Variants in CDYL2 observed in about 807,000 individuals in gnomAD.
CDYL2 encodes the protein chromodomain Y-like protein 2.
CDYL2 carries 23 observed loss-of-function variants against 49.4 expected under a neutral mutation model. The ratio of observed to expected loss-of-function variants is 0.47; its 90% CI spans 0.34 to 0.66. The LOEUF (loss-of-function observed/expected upper bound fraction) is 0.66, where lower values mean the gene tolerates loss of function less well. Ranked by LOEUF, CDYL2 falls within the 30% of genes least tolerant of loss-of-function variation. The probability of loss-of-function intolerance (pLI) is 0.01; values close to 1 mark genes in which losing one functional copy is unlikely to be tolerated. For missense variants in CDYL2, 678 were observed against 656.4 expected (o/e 1.03, Z -0.36); for synonymous variants, 360 against 268.8 (o/e 1.34, Z -3.32).
intron 1 of CDYL2, among the ~76,000 whole-genome samples, chr16:80,759,164 A>G (rs565694648): frequency 1.5e-5 from 2 of 130,542 alleles, no homozygotes; most frequent in Non-Finnish European, 3.2e-5. Flanking sequence ...TATGGTTTAT[A>G]TATATATATA....
chr16:80,654,272 C>T (rs1044607132), intron 2 of CDYL2, among the ~76,000 whole-genome samples: 6 of 152,172 alleles, frequency 3.9e-5, no homozygotes, highest in African/African-American at 1.4e-4. Flanking sequence ...CCATGCCCCT[C>T]CTAAGGAAGA....
rs532044764 is a variant in CDYL2, at chr16:80,725,451, T to C, written c.25-40322A>G. ...TGCAAGCCCCATGTAGCTGGCTCTA[T>C]ATCTGTCCTGTTCACTGCTGTGTCC... On this transcript the variant is annotated intron_variant, in intron 1 of 6. Transcript: ENST00000570137. Among the ~76,000 whole-genome samples, 4 of 152,366 alleles carry C rather than the reference T, an allele frequency of 2.6e-5. No individual in the cohort carries two copies. The East Asian group carries it at 7.7e-4, about 29-fold the overall frequency.
At chr16:80,617,419 C>T (rs1567541921) in intron 4 of CDYL2, among the ~76,000 whole-genome samples, 1 of 152,186 alleles carries the variant, frequency 6.6e-6, no homozygotes, top group Admixed American at 6.5e-5. Flanking sequence ...TGCTAATACA[C>T]CTAGAAAGTC....
chr16:80,741,490 G>A (rs1432113529), intron 1 of CDYL2, among the ~76,000 whole-genome samples: 1 of 151,934 alleles, frequency 6.6e-6, no homozygotes, highest in Non-Finnish European at 1.5e-5. Flanking sequence ...AACATTATGG[G>A]GAAAATATTT....
At chr16:80,607,992 C>T (rs1031555030) in intron 6 of CDYL2, 100 bp downstream of exon 6, 40 of 1,361,704 alleles carry the variant, frequency 2.9e-5, no homozygotes, top group Admixed American at 2.4e-4. Context: ...ATTCCCTGTG[C>T]GACCTCTAGC....
rs918851658 is a variant in CDYL2 at position 80,612,533 on chromosome 16, C to T, written c.1218+93G>A. 11 of 1,280,630 alleles carry T rather than the reference C, an allele frequency of 8.6e-6. No homozygotes were observed. Among genetic ancestry groups the T allele is most frequent in the Non-Finnish European group, 1.2e-5 (11 of 924,448 alleles). The allele number at this position is 1,280,630 out of a possible 1,614,324, so 79.3% of individuals were successfully genotyped here. A position where few individuals can be genotyped will look rare whatever the true frequency, so the allele number is the denominator to read the frequency against. On this transcript the variant is annotated intron_variant, in intron 5 of 6. Coordinates refer to ENST00000570137, the MANE Select transcript of CDYL2 (RefSeq NM_152342.4). This position sits in a 1 kb window ranked among gnomAD's most constrained non-coding sequence, Gnocchi z 5.0. ...CAAGCCAATCTGCAGGCTGACAACA[C>T]CCTCAGGTTTCTAGCCCCATGAAGA...
chr16:80,759,143 T>TTTA (rs1555535916), intron 1 of CDYL2, among the ~76,000 whole-genome samples: 3 of 90,252 alleles, frequency 3.3e-5, no homozygotes, highest in Non-Finnish European at 6.3e-5. Flanking sequence ...TATATATGGT[T>TTTA]TATATAAATA....
intron 1 of CDYL2, among the ~76,000 whole-genome samples, chr16:80,789,332 G>A (rs1001787260): frequency 6.6e-6 from 1 of 152,190 alleles, no homozygotes; most frequent in East Asian, 1.9e-4. Flanking sequence ...GCCAGGTGCG[G>A]TGGCTCACGC....
chr16:80,658,254 G>T (rs1301245378), intron 2 of CDYL2, among the ~76,000 whole-genome samples: 1 of 152,070 alleles, frequency 6.6e-6, no homozygotes, highest in East Asian at 1.9e-4. Context: ...TTGGAAGTAT[G>T]TTAAAACATG....
intron 3 of CDYL2, chr16:80,628,237 T>C (rs1907390221): frequency 6.6e-6 from 1 of 152,224 alleles, no homozygotes; most frequent in Non-Finnish European, 1.5e-5. Context: ...ACCCCTTGTA[T>C]TCACACTCTT....
At chr16:80,705,767 TA>T (rs1385810314) in intron 1 of CDYL2, among the ~76,000 whole-genome samples, 1 of 152,264 alleles carries the variant, frequency 6.6e-6, no homozygotes, top group African/African-American at 2.4e-5. Flanking sequence ...AGACAATACA[TA>T]AACAAATGTG....
At chr16:80,674,788 C>T (rs1438959952) in intron 2 of CDYL2, among the ~76,000 whole-genome samples, 1 of 152,226 alleles carries the variant, frequency 6.6e-6, no homozygotes, top group Non-Finnish European at 1.5e-5. Context: ...TAACATCCGT[C>T]GTCTGGGAAG....
chr16:80,780,813 T>A (rs1907240315), intron 1 of CDYL2, among the ~76,000 whole-genome samples: 1 of 152,166 alleles, frequency 6.6e-6, no homozygotes, highest in South Asian at 2.1e-4. Context: ...AATAGCAGAC[T>A]AAGGATCTCC....
chr16:80,646,619 T>C (rs367822965), intron 2 of CDYL2, among the ~76,000 whole-genome samples: 3 of 152,078 alleles, frequency 2.0e-5, no homozygotes, highest in East Asian at 1.9e-4. Flanking sequence ...TGAAACCCTA[T>C]CTCTACTACA....
chr16:80,775,184 C>G (rs1194946941), intron 1 of CDYL2, among the ~76,000 whole-genome samples: 1 of 150,258 alleles, frequency 6.7e-6, no homozygotes, highest in Non-Finnish European at 1.5e-5. Context: ...AAACAGAAGT[C>G]CAAGAAAAAG....
chr16:80,727,290 G>A (rs917825821), intron 1 of CDYL2, among the ~76,000 whole-genome samples: 7 of 152,336 alleles, frequency 4.6e-5, no homozygotes, highest in Non-Finnish European at 8.8e-5. Context: ...CTCGGCAAGC[G>A]CAAGGGGTCA....
At chr16:80,718,667 G>A (rs1275038216) in intron 1 of CDYL2, among the ~76,000 whole-genome samples, 2 of 152,216 alleles carry the variant, frequency 1.3e-5, no homozygotes, top group Non-Finnish European at 2.9e-5. Flanking sequence ...TCTGGCAAGT[G>A]TAACCTGACA....
At chr16:80,786,202 G>A (rs1298348062) in intron 1 of CDYL2, among the ~76,000 whole-genome samples, 2 of 152,154 alleles carry the variant, frequency 1.3e-5, no homozygotes, top group Admixed American at 1.3e-4. Context: ...GAAAATTTTT[G>A]CAATCTATCC....
intron 3 of CDYL2, among the ~76,000 whole-genome samples, chr16:80,622,679 T>G (rs1431750268): frequency 3.3e-5 from 5 of 152,096 alleles, no homozygotes; most frequent in Non-Finnish European, 2.9e-5. Context: ...CAGAGGAAAT[T>G]AGGCAGGCTG....
Sources: allele counts gnomAD v4.1 joint callset (sites outside exome capture counted in the v4.1 genomes callset), GRCh38; gene constraint gnomAD v4.1.1; non-coding constraint Gnocchi (gnomAD v3.1); transcripts MANE v1.5; gene names NCBI Gene and HGNC (gene_info 2026-07-23, HGNC 2026-07-21).